The following ROBO1 variants were observed in gnomAD, a reference collection of about 807,000 sequenced individuals.
ROBO1 encodes the protein roundabout guidance receptor 1.
A neutral mutation model predicts 195.9 loss-of-function variants in ROBO1; 149 were observed. The observed-to-expected ratio is 0.76, with a 90% CI of 0.67 to 0.87. The LOEUF (loss-of-function observed/expected upper bound fraction) is 0.87. Ranked by LOEUF, ROBO1 falls within the 40% of genes least tolerant of loss-of-function variation. The pLI is 0.00. For synonymous variants in ROBO1, 816 were observed against 733.2 expected (o/e 1.11, Z -1.82); for missense variants, 1,933 against 2,068.3 (o/e 0.93, Z 1.27).
intron 2 of ROBO1, among the ~76,000 whole-genome samples, chr3:79,310,290 T>C (rs955429202): frequency 6.6e-6 from 1 of 152,222 alleles, no homozygotes; most frequent in Admixed American, 6.5e-5. Flanking sequence ...TGGCAGCTGC[T>C]AGTATGGAAG....
chr3:78,705,214 G>T (rs2081520878), intron 8 of ROBO1, among the ~76,000 whole-genome samples: 1 of 152,102 alleles, frequency 6.6e-6, no homozygotes. Context: ...TATAAAAAAT[G>T]TCAAATCTCT....
chr3:78,893,158 G>A (rs1215881411), intron 4 of ROBO1, among the ~76,000 whole-genome samples: 1 of 152,194 alleles, frequency 6.6e-6, no homozygotes, highest in Non-Finnish European at 1.5e-5. Context: ...GTATTGTGCT[G>A]TGGTTTGAAT....
At chr3:79,324,682 CA>C in intron 2 of ROBO1, among the ~76,000 whole-genome samples, 1 of 152,246 alleles carries the variant, frequency 6.6e-6, no homozygotes. Flanking sequence ...AGCCAGTGCA[CA>C]GTGAACTCAA....
At chr3:79,584,280 T>TATATA (rs1560014905) in intron 2 of ROBO1, among the ~76,000 whole-genome samples, 1 of 141,736 alleles carries the variant, frequency 7.1e-6, no homozygotes, top group South Asian at 2.2e-4. Flanking sequence ...ATATATATAT[T>TATATA]ACTACATATA....
Position 78,662,048 on chromosome 3 carries a change from A to C in ROBO1, c.2033T>G (p.Leu678Arg). The change falls in exon 15 of 31, where the codon CTG becomes CGG. Residue 678 changes from leucine to arginine, a missense_variant. This residue lies in a region of ROBO1 where 1,737 missense variants were observed against 1,882.5 expected (regional missense o/e 0.92). Transcript: ENST00000464233. ...AAGGACGGTGGGGTTGTGGAGGTGC[A>C]GAACAGCATTTCCCAGCTCTCTCTG... ...QVQRELGNAV[L>R]HLHNPTVLSS... The C allele has an allele frequency of 1.3e-6, 2 of 1,599,376 alleles. No individual in the cohort carries two copies. Among genetic ancestry groups the C allele is most frequent in the Non-Finnish European group, 1.7e-6 (2 of 1,172,690 alleles).
In ROBO1 at chr3:79,121,442, GT is replaced by G. The variant is rs397876058; in HGVS notation, c.172+4013del. Among the ~76,000 whole-genome samples, 1,257 of 151,482 alleles carry G rather than the reference GT, an allele frequency of 8.3e-3. 15 individuals are homozygous for G. The highest frequency in any genetic ancestry group is 0.029 in the African/African-American group (1,190 of 41,328). The stretch of plus-strand genomic sequence containing the variant: ...CAATGCTTTTCTTTCTTTCTCTTTT[GT>G]TTTTTTTAATAAGAGAATATATTTT... On this transcript the variant is annotated intron_variant, in intron 3 of 30. Coordinates refer to ENST00000464233, the MANE Select transcript of ROBO1 (RefSeq NM_002941.4).
At chr3:79,623,397 T>C (rs1004036811) in intron 1 of ROBO1, among the ~76,000 whole-genome samples, 2 of 152,158 alleles carry the variant, frequency 1.3e-5, no homozygotes, top group African/African-American at 4.8e-5. Flanking sequence ...TAAAAAACTA[T>C]GCGGAGCTAA....
chr3:79,683,405 A>T (rs1018553566), intron 1 of ROBO1, among the ~76,000 whole-genome samples: 24 of 152,124 alleles, frequency 1.6e-4, no homozygotes, highest in Admixed American at 5.9e-4. Flanking sequence ...TGAATGTGGA[A>T]AATTGAGATC....
intron 2 of ROBO1, among the ~76,000 whole-genome samples, chr3:79,547,811 C>T (rs1942326013): frequency 2.6e-5 from 4 of 152,146 alleles, no homozygotes; most frequent in Non-Finnish European, 4.4e-5. Context: ...CTAACTAATG[C>T]TATCTAATGG....
chr3:79,306,938 C>T (rs1358570887), intron 2 of ROBO1, among the ~76,000 whole-genome samples: 2 of 152,234 alleles, frequency 1.3e-5, no homozygotes, highest in African/African-American at 2.4e-5. Flanking sequence ...AAGGGGAAAT[C>T]TGTCAAATGT....
chr3:78,682,301 G>GA (rs904484452), intron 10 of ROBO1, among the ~76,000 whole-genome samples: 2 of 150,960 alleles, frequency 1.3e-5, no homozygotes, highest in Non-Finnish European at 3.0e-5. Context: ...TATATATATT[G>GA]AAAAAAAGAC....
intron 3 of ROBO1, among the ~76,000 whole-genome samples, chr3:79,054,461 A>G (rs1255048958): frequency 6.6e-6 from 1 of 152,050 alleles, no homozygotes; most frequent in Non-Finnish European, 1.5e-5. Context: ...ATTCCATCCA[A>G]TGACAAAATT....
At chr3:79,354,927 G>T (rs1304283951) in intron 2 of ROBO1, among the ~76,000 whole-genome samples, 3 of 152,146 alleles carry the variant, frequency 2.0e-5, no homozygotes, top group Non-Finnish European at 2.9e-5. Flanking sequence ...CAACACTTTG[G>T]GAGGCCAAGG....
rs558325601 is a variant in ROBO1, at chr3:79,414,192, T to C, written c.88+175632A>G. ...ACATTATATTAACAGTCTCTCTCTC[T>C]CTCTCTTTCTCTCTCTCTCTCTCTC... On this transcript the variant is annotated intron_variant, in intron 2 of 30. Transcript: ENST00000464233. 5.3e-5 allele frequency among the ~76,000 whole-genome samples: 8 copies of C among 151,810 alleles called. 1 individual carries two copies. In the South Asian group the frequency reaches 1.7e-3, roughly 32 times the overall value.
chr3:79,658,063 A>T (rs1946221733), intron 1 of ROBO1, among the ~76,000 whole-genome samples: 1 of 152,152 alleles, frequency 6.6e-6, no homozygotes, highest in South Asian at 2.1e-4. Context: ...ATTATTTAAA[A>T]TGATAGTCAA....
intron 2 of ROBO1, among the ~76,000 whole-genome samples, chr3:79,548,185 T>C (rs1373756371): frequency 1.3e-5 from 2 of 152,192 alleles, no homozygotes; most frequent in Non-Finnish European, 2.9e-5. Flanking sequence ...CAAGGAGACA[T>C]TTCCTACCTC....
intron 4 of ROBO1, among the ~76,000 whole-genome samples, chr3:78,869,314 A>C (rs2107122971): frequency 1.3e-5 from 2 of 152,276 alleles, no homozygotes; most frequent in Middle Eastern, 6.9e-3. Context: ...TTTTGTGATA[A>C]GGGTTTTAAA....
intron 5 of ROBO1, among the ~76,000 whole-genome samples, chr3:78,742,917 T>G (rs1307258089): frequency 6.6e-6 from 1 of 152,190 alleles, no homozygotes; most frequent in Non-Finnish European, 1.5e-5. Context: ...TAAATGAAGA[T>G]TCTATAATAA....
At chr3:79,534,874 C>T (rs1405666189) in intron 2 of ROBO1, among the ~76,000 whole-genome samples, 1 of 152,130 alleles carries the variant, frequency 6.6e-6, no homozygotes, top group Non-Finnish European at 1.5e-5. Context: ...ATTCTCCCTG[C>T]GTTTGACTTC....
Sources: gnomAD v4.1 joint callset for allele counts (sites outside exome capture counted in the v4.1 genomes callset) on GRCh38, gnomAD v4.1.1 for gene constraint, gnomAD v4.1.1 regional missense constraint, MANE v1.5 for transcripts, NCBI Gene and HGNC (gene_info 2026-07-23, HGNC 2026-07-21) for gene names.